The following FRMD4B variants were observed in gnomAD, a reference collection of about 807,000 sequenced individuals.
The protein encoded by FRMD4B is FERM domain containing 4B.
In FRMD4B, 74 loss-of-function variants were observed where a neutral mutation model predicts 141.5. The observed-to-expected ratio is 0.52, with a 90% CI of 0.43 to 0.63. The LOEUF (loss-of-function observed/expected upper bound fraction) is 0.63, where lower values mean the gene tolerates loss of function less well. Among genes scored for constraint, FRMD4B ranks in the 30% least tolerant of loss-of-function variants. The pLI is 0.00. For synonymous variants in FRMD4B, 506 were observed against 467.9 expected (o/e 1.08, Z -1.05); for missense variants, 1,366 against 1,253.4 (o/e 1.09, Z -1.36).
At chr3:69,204,304 T>C (rs6776027) in intron 11 of FRMD4B, among the ~76,000 whole-genome samples, 13,673 of 152,180 alleles carry the variant, frequency 0.09, 628 homozygotes, top group Middle Eastern at 0.11. Context: ...TCTTGATGAA[T>C]TGAAGGTAGA....
chr3:69,354,204 A>G (rs1053044931), intron 1 of FRMD4B, among the ~76,000 whole-genome samples: 4 of 152,242 alleles, frequency 2.6e-5, no homozygotes, highest in Non-Finnish European at 5.9e-5. Context: ...GTGGTCTCAG[A>G]AAAGATTCAT....
At chr3:69,225,506 T>C (rs2093242266) in intron 7 of FRMD4B, among the ~76,000 whole-genome samples, 1 of 108,258 alleles carries the variant, frequency 9.2e-6, no homozygotes, top group Admixed American at 1.3e-4. Context: ...AAACCCTGTA[T>C]CTACTAAAAA....
At chr3:69,308,733 C>T (rs1167239587) in intron 3 of FRMD4B, among the ~76,000 whole-genome samples, 2 of 152,064 alleles carry the variant, frequency 1.3e-5, no homozygotes, top group Non-Finnish European at 2.9e-5. Flanking sequence ...AGCCACTGTG[C>T]CCGGCCTTGT....
At chr3:69,450,046 C>A (rs777386094) in intron 1 of FRMD4B, among the ~76,000 whole-genome samples, 21 of 150,978 alleles carry the variant, frequency 1.4e-4, no homozygotes, top group Non-Finnish European at 2.6e-4. Context: ...GGTTCCTCAG[C>A]GTCAGTTTCC....
chr3:69,388,447 G>A (rs1320574015), upstream of FRMD4B, among the ~76,000 whole-genome samples: 1 of 152,128 alleles, frequency 6.6e-6, no homozygotes, highest in Non-Finnish European at 1.5e-5. Flanking sequence ...GAAATTGTTG[G>A]GGGGTGAGAT....
chr3:69,448,006 T>C (rs76151621), intron 1 of FRMD4B, among the ~76,000 whole-genome samples: 1,772 of 152,126 alleles, frequency 0.012, 31 homozygotes, highest in African/African-American at 0.04. Context: ...GCCACTCTCA[T>C]GGACATTCCA....
intron 1 of FRMD4B, among the ~76,000 whole-genome samples, chr3:69,323,405 A>G (rs907897643): frequency 1.3e-5 from 2 of 151,664 alleles, no homozygotes; most frequent in Non-Finnish European, 2.9e-5. Flanking sequence ...CCTCTCTACT[A>G]AAAATACAAA....
chr3:69,423,419 G>A (rs1423466237), intron 2 of FRMD4B, among the ~76,000 whole-genome samples: 1 of 152,120 alleles, frequency 6.6e-6, no homozygotes, highest in African/African-American at 2.4e-5. Flanking sequence ...AAAATAAAGC[G>A]CTGCCCTCTT....
chr3:69,489,176 CTT>C (rs1575588646), intron 1 of FRMD4B, among the ~76,000 whole-genome samples: 2 of 151,360 alleles, frequency 1.3e-5, no homozygotes, highest in Admixed American at 6.6e-5. Flanking sequence ...ATAAAGAACT[CTT>C]ATATCTTAAT....
chr3:69,332,170 TGCCGGG>T (rs1426867103), intron 1 of FRMD4B, among the ~76,000 whole-genome samples: 3 of 152,144 alleles, frequency 2.0e-5, no homozygotes, highest in East Asian at 3.8e-4. Flanking sequence ...CATGTTCAGG[TGCCGGG>T]CAGGTGGTGA....
chr3:69,262,742 G>A (rs1250974989), intron 5 of FRMD4B, among the ~76,000 whole-genome samples: 2 of 151,590 alleles, frequency 1.3e-5, no homozygotes, highest in Admixed American at 1.3e-4. Context: ...TTACAGGCGT[G>A]AGCCACCGCG....
chr3:69,233,115 T>C (rs2093321908), intron 7 of FRMD4B, among the ~76,000 whole-genome samples: 1 of 151,690 alleles, frequency 6.6e-6, no homozygotes, highest in Non-Finnish European at 1.5e-5. Context: ...CAAAGGTGCA[T>C]AAAAAATGTA....
rs76325665 is a variant in FRMD4B at position 69,328,208 on chromosome 3, G to A, written c.163-14691C>T. On this transcript the variant is annotated intron_variant, in intron 1 of 22. Coordinates refer to ENST00000398540, the MANE Select transcript of FRMD4B (RefSeq NM_015123.3). ...ATATGAACTTACAATGAAATAAATCGCATTAAAAGCAAAGGTAATAAAACT... is the reference window on the plus strand; with the variant it reads ...ATATGAACTTACAATGAAATAAATCACATTAAAAGCAAAGGTAATAAAACT... 8.0e-3 allele frequency among the ~76,000 whole-genome samples: 1,211 copies of A among 152,196 alleles called. 24 individuals carry two copies. The highest frequency in any genetic ancestry group is 0.027 in the African/African-American group (1,133 of 41,504).
chr3:69,193,919 C>G, intron 16 of FRMD4B, 46 bp from the exon 17 acceptor site: 2 of 1,148,284 alleles, frequency 1.7e-6, no homozygotes, highest in Non-Finnish European at 1.3e-6. Flanking sequence ...CACATACAAT[C>G]AACTCTTACA....
intron 2 of FRMD4B, among the ~76,000 whole-genome samples, chr3:69,421,808 T>C (rs529214646): frequency 1.1e-3 from 171 of 152,312 alleles, no homozygotes; most frequent in Non-Finnish European, 1.8e-3. Context: ...TGGATAGCCC[T>C]GGCCTAAGTG....
At chr3:69,278,418 C>T (rs1431224021) in intron 5 of FRMD4B, among the ~76,000 whole-genome samples, 2 of 152,132 alleles carry the variant, frequency 1.3e-5, no homozygotes, top group Admixed American at 6.5e-5. Context: ...CCCACCTCTG[C>T]CTCCTGAGCA....
At chr3:69,441,753 G>T (rs1201878329) in intron 1 of FRMD4B, among the ~76,000 whole-genome samples, 1 of 152,102 alleles carries the variant, frequency 6.6e-6, no homozygotes, top group East Asian at 1.9e-4. Flanking sequence ...TAATGCCCCT[G>T]GTTGCTCCTC....
At position 69,374,961 on chromosome 3, in the gene FRMD4B, C is replaced by T. The variant is rs144642269; in HGVS notation, c.162+10867G>A. 3.0e-4 allele frequency among the ~76,000 whole-genome samples: 46 copies of T among 152,228 alleles called. 1 individual carries two copies. Among genetic ancestry groups the T allele is most frequent in the African/African-American group, 9.6e-4 (40 of 41,552 alleles). On this transcript the variant is annotated intron_variant, in intron 1 of 22. Transcript: ENST00000398540. ...GCATACGTGAAGATAATTTGCCAGACATCCATCCAACCATTCATCTATTCA... is the reference window on the plus strand; with the variant it reads ...GCATACGTGAAGATAATTTGCCAGATATCCATCCAACCATTCATCTATTCA...
chr3:69,193,973 C>T (rs2092870575), intron 16 of FRMD4B, 100 bp from the exon 17 acceptor site: 5 of 720,970 alleles, frequency 6.9e-6, no homozygotes, highest in East Asian at 2.6e-5. Flanking sequence ...TTGAATCAGA[C>T]GTTCTTTGAG....
Sources: gnomAD v4.1 joint callset for allele counts (sites outside exome capture counted in the v4.1 genomes callset) on GRCh38, gnomAD v4.1.1 for gene constraint, MANE v1.5 for transcripts, NCBI Gene and HGNC (gene_info 2026-07-23, HGNC 2026-07-21) for gene names.